Variants in TRPS1 observed in about 807,000 individuals in gnomAD.
TRPS1 encodes the protein zinc finger transcription factor Trps1.
In TRPS1, 6 loss-of-function variants were observed where a neutral mutation model predicts 101.2. The observed-to-expected ratio is 0.06, with a 90% confidence interval of 0.03 to 0.12. TRPS1 has a LOEUF of 0.12. Ranked by LOEUF, TRPS1 falls within the 10% of genes least tolerant of loss-of-function variation. The pLI is 1.00. For missense variants in TRPS1, 1,363 were observed against 1,567.0 expected, an observed-to-expected ratio of 0.87 and a Z score of 2.20; for synonymous variants, 578 against 589.8, an observed-to-expected ratio of 0.98 and a Z score of 0.29.
intron 3 of TRPS1, among the ~76,000 whole-genome samples, chr8:115,617,086 T>C (rs1468424674): frequency 6.6e-6 from 1 of 152,240 alleles, no homozygotes; most frequent in East Asian, 1.9e-4. Context: ...TCCTCACAAA[T>C]TGAAGTTAAC....
chr8:115,439,816 A>G (rs1813546238), intron 5 of TRPS1, among the ~76,000 whole-genome samples: 1 of 152,158 alleles, frequency 6.6e-6, no homozygotes, highest in African/African-American at 2.4e-5. Context: ...ATCAACAAGA[A>G]TCCTCTCCTT....
intron 5 of TRPS1, among the ~76,000 whole-genome samples, chr8:115,569,227 GGTACCAGA>G (rs1050744679): frequency 2.6e-5 from 4 of 151,936 alleles, no homozygotes; most frequent in African/African-American, 4.8e-5. Context: ...CAATAAATCT[GGTACCAGA>G]GTGATAGTAT....
rs191351710 is a variant in TRPS1, at chr8:115,528,844, T to C, written c.2700+58157A>G. ...ACATGCAGTTATAAAGGACAAATAC[T>C]AAGTTCCCTAATTTTTTATGATTCT... On this transcript the variant is annotated intron_variant, in intron 5 of 6. Transcript: ENST00000395715. Among the ~76,000 whole-genome samples, 493 of 152,148 alleles carry C rather than the reference T, an allele frequency of 3.2e-3. 1 individual carries two copies. The highest frequency in any genetic ancestry group is 5.5e-3 in the Non-Finnish European group (376 of 67,954).
chr8:115,489,153 A>T (rs1488597438), intron 5 of TRPS1, among the ~76,000 whole-genome samples: 1 of 152,224 alleles, frequency 6.6e-6, no homozygotes, highest in Non-Finnish European at 1.5e-5. Flanking sequence ...CAAGTGAATT[A>T]CATGGTATAT....
intron 5 of TRPS1, among the ~76,000 whole-genome samples, chr8:115,567,250 A>G (rs1335544383): frequency 6.6e-6 from 1 of 152,216 alleles, no homozygotes. Flanking sequence ...CAACATGGAC[A>G]GAAAAACTCA....
At chr8:115,459,589 G>A (rs1253311319) in intron 5 of TRPS1, among the ~76,000 whole-genome samples, 2 of 152,098 alleles carry the variant, frequency 1.3e-5, no homozygotes, top group African/African-American at 2.4e-5. Flanking sequence ...ATAATAAAAC[G>A]ATGATCCCTA....
At chr8:115,611,586 A>G (rs1818167651) in intron 3 of TRPS1, among the ~76,000 whole-genome samples, 1 of 152,202 alleles carries the variant, frequency 6.6e-6, no homozygotes, top group African/African-American at 2.4e-5. Context: ...GGAGTCAGCA[A>G]AGGCTCCCAG....
At chr8:115,498,420 TATATA>T (rs1815218533) in intron 5 of TRPS1, among the ~76,000 whole-genome samples, 1 of 39,154 alleles carries the variant, frequency 2.6e-5, no homozygotes. Flanking sequence ...TCTCTCTATA[TATATA>T]TATATATATA....
chr8:115,547,667 G>A (rs3808435), intron 5 of TRPS1, among the ~76,000 whole-genome samples: 104,120 of 151,912 alleles, frequency 0.69, 37,184 homozygotes, highest in African/African-American at 0.89. Flanking sequence ...ATCTTGCCAC[G>A]GTCCCTAGTC....
intron 5 of TRPS1, among the ~76,000 whole-genome samples, chr8:115,424,406 G>A (rs1173945993): frequency 2.0e-5 from 3 of 152,130 alleles, no homozygotes; most frequent in Non-Finnish European, 4.4e-5. Flanking sequence ...TTAAGTTCTG[G>A]GAGTAATTAT....
intron 5 of TRPS1, among the ~76,000 whole-genome samples, chr8:115,479,978 G>A (rs1019183396): frequency 1.3e-5 from 2 of 152,078 alleles, no homozygotes; most frequent in Non-Finnish European, 2.9e-5. Flanking sequence ...AAGCAGAGGC[G>A]AGGCACATTA....
chr8:115,537,060 T>C (rs1186911052), intron 5 of TRPS1, among the ~76,000 whole-genome samples: 13 of 152,070 alleles, frequency 8.5e-5, no homozygotes, highest in Admixed American at 8.5e-4. Context: ...TATTTGATTC[T>C]CTCCCTGTCT....
intron 5 of TRPS1, among the ~76,000 whole-genome samples, chr8:115,481,414 T>G (rs1029819560): frequency 1.3e-5 from 2 of 151,394 alleles, no homozygotes; most frequent in African/African-American, 4.9e-5. Flanking sequence ...CCCACTCTTC[T>G]GCAACAAAAC....
chr8:115,487,209 C>A (rs1301433108), intron 5 of TRPS1, among the ~76,000 whole-genome samples: 2 of 151,968 alleles, frequency 1.3e-5, no homozygotes, highest in Non-Finnish European at 2.9e-5. Flanking sequence ...TCTGTTACAG[C>A]ATGGTTTACT....
intron 3 of TRPS1, among the ~76,000 whole-genome samples, chr8:115,612,233 A>G (rs1032709632): frequency 1.3e-5 from 2 of 152,034 alleles, no homozygotes; most frequent in Non-Finnish European, 2.9e-5. Context: ...AAAGAGCACA[A>G]AAAAGAAATC....
chr8:115,594,315 A>G (rs980701696), intron 4 of TRPS1, among the ~76,000 whole-genome samples: 2 of 152,122 alleles, frequency 1.3e-5, no homozygotes, highest in Non-Finnish European at 2.9e-5. Context: ...TGAGAAAAAA[A>G]GATGTCATTT....
chr8:115,652,561 T>C (rs1811584081), intron 1 of TRPS1, among the ~76,000 whole-genome samples: 1 of 152,232 alleles, frequency 6.6e-6, no homozygotes, highest in African/African-American at 2.4e-5. Context: ...TACCTTGTCT[T>C]GTTCTAAACT....
intron 5 of TRPS1, among the ~76,000 whole-genome samples, chr8:115,430,063 T>G (rs1484514232): frequency 6.6e-6 from 1 of 152,198 alleles, no homozygotes; most frequent in Non-Finnish European, 1.5e-5. Flanking sequence ...TGCTTAGTTG[T>G]GACTTACCCT....
chr8:115,611,382 T>A (rs1818160391), intron 3 of TRPS1, among the ~76,000 whole-genome samples: 2 of 152,202 alleles, frequency 1.3e-5, no homozygotes, highest in African/African-American at 4.8e-5. Flanking sequence ...GGAAGGTTGC[T>A]GTTTTAACAC....
Sources: allele counts gnomAD v4.1 joint callset (sites outside exome capture counted in the v4.1 genomes callset), GRCh38; gene constraint gnomAD v4.1.1; transcripts MANE v1.5; gene names NCBI Gene and HGNC (gene_info 2026-07-23, HGNC 2026-07-21).